Variants in MARCHF7 observed in about 807,000 individuals in gnomAD.
MARCHF7 encodes E3 ubiquitin-protein ligase MARCHF7.
A neutral mutation model predicts 76.5 loss-of-function variants in MARCHF7; 20 were observed. That is an observed-to-expected ratio of 0.26 (90% confidence interval 0.18 to 0.38). The LOEUF (loss-of-function observed/expected upper bound fraction) is 0.38, where lower values mean the gene tolerates loss of function less well. Among genes scored for constraint, MARCHF7 ranks in the 10% least tolerant of loss-of-function variants. The pLI is 1.00. For missense variants in MARCHF7, 797 were observed against 812.9 expected (o/e 0.98, Z 0.24); for synonymous variants, 295 against 293.0 (o/e 1.01, Z -0.07).
rs550717460 is a variant in MARCHF7 at position 159,719,065 on chromosome 2, C to T, written c.-15+3299C>T. ...TCTCCGCTCACCACAACCTTCACCTCCCCAGGCTCAGGCAATTCTCCTACC... is the reference window on the plus strand; with the variant it reads ...TCTCCGCTCACCACAACCTTCACCTTCCCAGGCTCAGGCAATTCTCCTACC... On this transcript the variant is annotated intron_variant, in intron 3 of 11. Transcript: ENST00000409175. Among the ~76,000 whole-genome samples the T allele has an allele frequency of 6.6e-5, 10 of 152,252 alleles. No individual in the cohort carries two copies. In the East Asian group the frequency reaches 1.9e-3, roughly 29 times the overall value.
At position 159,748,949 on chromosome 2, in the gene MARCHF7, A is replaced by C. The variant is rs184322575; in HGVS notation, c.1613+46A>C. The C allele has an allele frequency of 7.9e-3, 11,574 of 1,459,876 alleles. 74 individuals carry two copies. The highest frequency in any genetic ancestry group is 0.026 in the Middle Eastern group (124 of 4,820). 90.4% of individuals were successfully genotyped at this position (1,459,876 alleles called of 1,614,324 possible). A position where few individuals can be genotyped will look rare whatever the true frequency, so the allele number is the denominator to read the frequency against. ...TAAGCCTATAAATCAAAAATAGAGAAAGAACTCTTCATTTCTTTTTTTTCT... is the reference window on the plus strand; with the variant it reads ...TAAGCCTATAAATCAAAAATAGAGACAGAACTCTTCATTTCTTTTTTTTCT... On this transcript the variant is annotated intron_variant, in intron 7 of 11. Coordinates refer to ENST00000409175, the MANE Select transcript of MARCHF7 (RefSeq NM_001282805.2).
chr2:159,726,611 A>T (rs1294355678), intron 3 of MARCHF7, among the ~76,000 whole-genome samples: 1 of 152,018 alleles, frequency 6.6e-6, no homozygotes, highest in African/African-American at 2.4e-5. Flanking sequence ...ATGCACCATT[A>T]CCCCCAACCT....
chr2:159,731,545 G>T (rs547356557), intron 4 of MARCHF7, among the ~76,000 whole-genome samples: 1 of 151,378 alleles, frequency 6.6e-6, no homozygotes, highest in African/African-American at 2.4e-5. Flanking sequence ...ACCTGAGTTC[G>T]GGAGTTTGAG....
chr2:159,717,425 G>A (rs1050809429), intron 3 of MARCHF7, among the ~76,000 whole-genome samples: 5 of 152,302 alleles, frequency 3.3e-5, no homozygotes, highest in African/African-American at 1.2e-4. Context: ...GGTTAGGGAG[G>A]TTGAATGTGG....
intron 8 of MARCHF7, among the ~76,000 whole-genome samples, chr2:159,758,959 G>T (rs1236794057): frequency 1.3e-5 from 2 of 152,182 alleles, no homozygotes; most frequent in Non-Finnish European, 2.9e-5. Flanking sequence ...GATCAAGGAT[G>T]TATGAGTATC....
chr2:159,749,007 CTCAG>C (rs1705272103), intron 7 of MARCHF7, 104 bp downstream of exon 7: 1 of 1,213,002 alleles, frequency 8.2e-7, no homozygotes, highest in African/African-American at 2.0e-5. Flanking sequence ...GAGACGGAGT[CTCAG>C]TCTGTCACCC....
chr2:159,763,624 A>T (rs1707368473), intron 10 of MARCHF7, among the ~76,000 whole-genome samples: 1 of 152,168 alleles, frequency 6.6e-6, no homozygotes, highest in Non-Finnish European at 1.5e-5. Context: ...GTCTCTATGT[A>T]TCTGCCATTA....
At chr2:159,734,029 T>G in intron 4 of MARCHF7, 1 of 1,351,858 alleles carries the variant, frequency 7.4e-7, no homozygotes, top group Non-Finnish European at 9.7e-7. Flanking sequence ...TCTTTAAATT[T>G]TTATCACAAT....
At chr2:159,749,039 C>T (rs1574372643) in intron 7 of MARCHF7, 136 bp downstream of exon 7, 1 of 1,008,056 alleles carries the variant, frequency 9.9e-7, no homozygotes, top group Non-Finnish European at 1.4e-6. Flanking sequence ...AGTGTAATGG[C>T]ACCATCTCGG....
intron 11 of MARCHF7, among the ~76,000 whole-genome samples, chr2:159,765,043 T>C (rs536288170): frequency 1.3e-5 from 2 of 152,230 alleles, no homozygotes; most frequent in Non-Finnish European, 2.9e-5. Flanking sequence ...TGGTAAGAAA[T>C]TTTACCTGTT....
chr2:159,726,795 A>G (rs1337502156), intron 3 of MARCHF7, among the ~76,000 whole-genome samples: 2 of 151,634 alleles, frequency 1.3e-5, no homozygotes, highest in Admixed American at 1.3e-4. Flanking sequence ...TCATTAAACA[A>G]CTCCCCATCC....
chr2:159,746,689 C>G (rs1704936230), intron 6 of MARCHF7, among the ~76,000 whole-genome samples: 1 of 152,204 alleles, frequency 6.6e-6, no homozygotes, highest in South Asian at 2.1e-4. Context: ...GTATGAGCCA[C>G]TGCACACAGC....
In MARCHF7 at chr2:159,748,163, A is replaced by G; in HGVS notation, c.873A>G (p.Ser291=). The change falls in exon 7 of 12, where the codon TCA becomes TCG. Residue 291 remains serine, a synonymous_variant. Transcript: ENST00000409175. ...TGTCACGCATAGCTTCTAGCATGTC[A>G]TCTACTTTTTTTTCACGAAGATCTA... ...RLLSRIASSM[S]STFFSRRSSQ... The G allele has an allele frequency of 1.2e-6, 2 of 1,613,094 alleles. No homozygotes were observed. Among genetic ancestry groups the G allele is most frequent in the Non-Finnish European group, 1.7e-6 (2 of 1,179,676 alleles).
In MARCHF7 at chr2:159,732,603, T is replaced by G. The variant is rs926903254; in HGVS notation, c.153+3428T>G. ...TCATGACTCGGCGCAGCCACAACTT[T>G]CTGGGCACAAGCAATCCTCCTGCCT... is the stretch of plus-strand genomic sequence containing the variant. On this transcript the variant is annotated intron_variant, in intron 4 of 11. Coordinates refer to ENST00000409175, the MANE Select transcript of MARCHF7 (RefSeq NM_001282805.2). Among the ~76,000 whole-genome samples, 29 of 152,282 alleles carry G rather than the reference T, an allele frequency of 1.9e-4. No individual in the cohort carries two copies. The Middle Eastern group carries it at 0.017, about 89-fold the overall frequency.
rs1560030989 is a variant in MARCHF7 at position 159,764,261 on chromosome 2, C to CGT, written c.2008-364_2008-363insTG. 2.9e-4 allele frequency among the ~76,000 whole-genome samples: 39 copies of CGT among 136,294 alleles called. 1 individual carries two copies. Among genetic ancestry groups the CGT allele is most frequent in the Middle Eastern group, 3.9e-3 (1 of 258 alleles). The allele number at this position is 136,294 out of a possible 152,430, so 89.4% of individuals were successfully genotyped here. A position where few individuals can be genotyped will look rare whatever the true frequency, so the allele number is the denominator to read the frequency against. The stretch of plus-strand genomic sequence containing the variant: ...GTGTGTGTGTGTGTGTGTGTGCGCG[C>CGT]GCCCACTGAAACTGAATTTATTTGG... On this transcript the variant is annotated intron_variant, in intron 10 of 11. Transcript: ENST00000409175.
Position 159,762,977 on chromosome 2 carries a change from C to A in MARCHF7, c.1991C>A (p.Pro664Gln). Residue 664 changes from proline to glutamine, a missense_variant, in exon 10 of 12, where the codon CCA becomes CAA. By Grantham distance (76) the Pro-to-Gln change is moderately conservative. Transcript: ENST00000409175. ...FSDMMGNTNEPSTRVRFINLA... is the reference protein window; with the variant it reads ...FSDMMGNTNEQSTRVRFINLA... ...GATATGATGGGAAATACAAATGAAC[C>A]AAGCACACGTGTCCGAGTAAGTAAT... 1 of 1,610,818 alleles carries A rather than the reference C, an allele frequency of 6.2e-7. No homozygotes were observed. The highest frequency in any genetic ancestry group is 1.1e-5 in the South Asian group (1 of 90,708).
chr2:159,761,101 C>T (rs553071019), intron 9 of MARCHF7, among the ~76,000 whole-genome samples: 4 of 150,954 alleles, frequency 2.6e-5, no homozygotes, highest in Admixed American at 1.3e-4. Flanking sequence ...TCTCAGCTCA[C>T]GACAACCTCT....
At chr2:159,739,055 C>T (rs543637108) in intron 4 of MARCHF7, among the ~76,000 whole-genome samples, 7 of 152,284 alleles carry the variant, frequency 4.6e-5, no homozygotes, top group African/African-American at 9.6e-5. Flanking sequence ...ACACCTGGAT[C>T]GTGACAGTGC....
intron 3 of MARCHF7, among the ~76,000 whole-genome samples, chr2:159,721,821 C>G (rs1701673685): frequency 6.6e-6 from 1 of 152,154 alleles, no homozygotes. Flanking sequence ...TTATAAAACA[C>G]AAATTCAAAG....
Sources: allele counts gnomAD v4.1 joint callset (sites outside exome capture counted in the v4.1 genomes callset), GRCh38; gene constraint gnomAD v4.1.1; transcripts MANE v1.5; gene names NCBI Gene and HGNC (gene_info 2026-07-23, HGNC 2026-07-21).